Variants in RTL9 observed in about 807,000 individuals in gnomAD.
RTL9 encodes the protein retrotransposon Gag like 9, also known as retrotransposon Gag-like protein 9.
Under a neutral mutation model 44.7 loss-of-function variants are expected in RTL9, and 19 were observed. The ratio of observed to expected loss-of-function variants is 0.42; its 90% CI spans 0.30 to 0.62. The LOEUF (loss-of-function observed/expected upper bound fraction) is 0.62. RTL9 is among the 20% of genes least tolerant of loss of function. The probability of loss-of-function intolerance (pLI) is 0.16; values close to 1 mark genes in which losing one functional copy is unlikely to be tolerated. For synonymous variants in RTL9, 407 were observed against 398.9 expected, an observed-to-expected ratio of 1.02 and a Z score of -0.24; for missense variants, 1,105 against 1,080.6, an observed-to-expected ratio of 1.02 and a Z score of -0.32.
intron 1 of RTL9, among the ~76,000 whole-genome samples, chrX:110,389,801 C>T (rs2068482400): frequency 9.1e-6 from 1 of 109,875 alleles, no homozygotes; most frequent in African/African-American, 3.3e-5. Context: ...GGAAGAACAG[C>T]AGAAAGAAGG....
intron 1 of RTL9, among the ~76,000 whole-genome samples, chrX:110,393,795 G>A (rs1202516538): frequency 8.9e-6 from 1 of 112,801 alleles, no homozygotes. Context: ...CCTGACCAGG[G>A]TGGTTCCCAC....
upstream of RTL9, among the ~76,000 whole-genome samples, chrX:110,417,308 G>A (rs2068684629): frequency 8.9e-6 from 1 of 112,085 alleles, no homozygotes; most frequent in Non-Finnish European, 1.9e-5. Context: ...CAGGGGAGGA[G>A]GCACATCTGG....
At chrX:110,399,137 C>T (rs1259015335) in intron 1 of RTL9, among the ~76,000 whole-genome samples, 3 of 112,182 alleles carry the variant, frequency 2.7e-5, no homozygotes, top group South Asian at 7.5e-4. Flanking sequence ...ACAATAACAA[C>T]AATAATATAA....
At chrX:110,399,119 A>G (rs188564352) in intron 1 of RTL9, among the ~76,000 whole-genome samples, 310 of 112,207 alleles carry the variant, frequency 2.8e-3, no homozygotes, top group African/African-American at 9.5e-3. Flanking sequence ...CTGGTTTACA[A>G]TGGACTCACA....
chrX:110,409,470 A>G (rs1437482042), intron 1 of RTL9, among the ~76,000 whole-genome samples: 2 of 111,594 alleles, frequency 1.8e-5, no homozygotes, highest in African/African-American at 3.3e-5. Flanking sequence ...TTTCCAGCTT[A>G]GCTGTACCTC....
intron 1 of RTL9, among the ~76,000 whole-genome samples, chrX:110,375,054 T>G (rs1402792437): frequency 8.9e-6 from 1 of 111,751 alleles, no homozygotes; most frequent in Non-Finnish European, 1.9e-5. Context: ...GTTTCTGGGT[T>G]ACTGGATAGG....
exon 2 of RTL9, chrX:110,455,279 A>G: frequency 1.7e-6 from 2 of 1,210,746 alleles, no homozygotes; most frequent in Non-Finnish European, 2.2e-6. Flanking sequence ...ATCACCTTGG[A>G]CAGAGCACAG....
rs1305580094 is a variant in RTL9 at position 110,370,467 on chromosome X, C to T, written c.-168+11551C>T. On this transcript the variant is annotated intron_variant, in intron 1 of 2. Transcript: ENST00000520821. The stretch of plus-strand genomic sequence containing the variant: ...CATGTGATCCACCCGCCTAGGCCTC[C>T]CAAAGTGCTGGGATTACAAGCGTGA... Among the ~76,000 whole-genome samples, 6 of 112,379 alleles carry T rather than the reference C, an allele frequency of 5.3e-5. No homozygotes were observed. In the South Asian group the frequency reaches 1.9e-3, roughly 35 times the overall value.
chrX:110,376,898 C>T (rs985434902), intron 1 of RTL9, among the ~76,000 whole-genome samples: 5 of 111,585 alleles, frequency 4.5e-5, no homozygotes, highest in Admixed American at 9.5e-5. Context: ...GGAGTGGGGA[C>T]GGTATGACGT....
chrX:110,404,873 G>A (rs925563037), intron 1 of RTL9, among the ~76,000 whole-genome samples: 9 of 111,614 alleles, frequency 8.1e-5, no homozygotes, highest in Non-Finnish European at 1.9e-5. Context: ...GGCAAAATGT[G>A]TTATATTAAT....
chrX:110,454,213 G>A (rs1222742217), exon 1 of RTL9: 1 of 1,210,209 alleles, frequency 8.3e-7, no homozygotes, highest in Non-Finnish European at 1.1e-6. Flanking sequence ...GCAGCAGAGA[G>A]GTGGTTCATC....
intron 1 of RTL9, among the ~76,000 whole-genome samples, chrX:110,408,560 T>C (rs73636964): frequency 0.11 from 12,163 of 112,058 alleles, 1,609 homozygotes; most frequent in African/African-American, 0.37. Context: ...GGGTTTTGCT[T>C]CCCCTGCCCC....
chrX:110,454,317 A>G (rs1397022327), exon 1 of RTL9: 8 of 1,209,972 alleles, frequency 6.6e-6, no homozygotes, highest in Non-Finnish European at 5.6e-6. Context: ...TGAGATAGAC[A>G]TCCTCAGTGC....
In RTL9 at chrX:110,379,572, TG is replaced by T. The variant is rs750927772; in HGVS notation, c.-168+20658del. Among the ~76,000 whole-genome samples, 4 of 112,231 alleles carry T rather than the reference TG, an allele frequency of 3.6e-5. No homozygotes were observed. The South Asian group carries it at 1.5e-3, about 42-fold the overall frequency. On this transcript the variant is annotated intron_variant, in intron 1 of 2. Coordinates refer to the RTL9 transcript ENST00000520821. ...ATTTTACGTATTTTAAAAACAAGTC[TG>T]GTTTTTTCAACTCATTCTGAAATGT...
intron 1 of RTL9, among the ~76,000 whole-genome samples, chrX:110,438,584 A>G (rs1189507033): frequency 1.8e-5 from 2 of 111,720 alleles, no homozygotes; most frequent in African/African-American, 6.5e-5. Context: ...AACAGGCGGT[A>G]GTGAAGTCAG....
chrX:110,416,835 GTGC>G (rs2068680935), upstream of RTL9, among the ~76,000 whole-genome samples: 2 of 111,922 alleles, frequency 1.8e-5, no homozygotes, highest in Non-Finnish European at 3.8e-5. Context: ...CATGCCCATG[GTGC>G]CAGTGAACTC....
At chrX:110,390,172 T>G (rs1054448945) in intron 1 of RTL9, among the ~76,000 whole-genome samples, 4 of 111,858 alleles carry the variant, frequency 3.6e-5, no homozygotes, top group Non-Finnish European at 5.6e-5. Context: ...AAGAAACTGA[T>G]GGGATTCAAG....
upstream of RTL9, among the ~76,000 whole-genome samples, chrX:110,414,798 A>G (rs745591680): frequency 1.2e-4 from 14 of 112,275 alleles, no homozygotes; most frequent in Non-Finnish European, 2.4e-4. Flanking sequence ...GTCCTTCCAG[A>G]GCTTCCCCTC....
chrX:110,371,545 C>T (rs1350340821), intron 1 of RTL9, among the ~76,000 whole-genome samples: 1 of 111,593 alleles, frequency 9.0e-6, no homozygotes, highest in African/African-American at 3.3e-5. Context: ...CCCCCACTAC[C>T]TTCCCAGCCT....
Sources: gnomAD v4.1 joint callset for allele counts (sites outside exome capture counted in the v4.1 genomes callset) on GRCh38, gnomAD v4.1.1 for gene constraint, MANE v1.5 for transcripts, NCBI Gene and HGNC (gene_info 2026-07-23, HGNC 2026-07-21) for gene names.